Variants in RSRC1 observed in about 807,000 individuals in gnomAD.
RSRC1 encodes the protein serine/Arginine-related protein 53.
In RSRC1, 39 loss-of-function variants were observed where a neutral mutation model predicts 49.1. The observed-to-expected ratio is 0.79, with a 90% CI of 0.61 to 1.04. RSRC1 has a LOEUF of 1.04. RSRC1 is among the 50% of genes least tolerant of loss of function. RSRC1 has a pLI of 0.00. For missense variants in RSRC1, 388 were observed against 402.4 expected, an observed-to-expected ratio of 0.96 and a Z score of 0.31; for synonymous variants, 143 against 130.8, an observed-to-expected ratio of 1.09 and a Z score of -0.63.
At chr3:158,518,126 G>GCA (rs1553820460) in intron 7 of RSRC1, among the ~76,000 whole-genome samples, 17,249 of 68,902 alleles carry the variant, frequency 0.25, 3,058 homozygotes, top group Middle Eastern at 0.37. Flanking sequence ...GTGTGTGTGT[G>GCA]TATATATATA....
At chr3:158,259,182 G>C (rs1033688703) in intron 4 of RSRC1, among the ~76,000 whole-genome samples, 3 of 152,156 alleles carry the variant, frequency 2.0e-5, no homozygotes, top group African/African-American at 4.8e-5. Flanking sequence ...AGCCTTCACA[G>C]TCTGGACTTG....
At chr3:158,405,313 C>T (rs1209195366) in intron 6 of RSRC1, among the ~76,000 whole-genome samples, 5 of 152,032 alleles carry the variant, frequency 3.3e-5, no homozygotes, top group Non-Finnish European at 5.9e-5. Context: ...TAAACTATAT[C>T]TACATACAGT....
chr3:158,289,413 CA>C (rs1476941067), intron 4 of RSRC1, among the ~76,000 whole-genome samples: 1 of 152,170 alleles, frequency 6.6e-6, no homozygotes, highest in East Asian at 1.9e-4. Flanking sequence ...CTTGTCCTGA[CA>C]TAGTGGATGC....
At chr3:158,503,733 C>T (rs1342486190) in intron 7 of RSRC1, among the ~76,000 whole-genome samples, 1 of 143,312 alleles carries the variant, frequency 7.0e-6, no homozygotes, top group Non-Finnish European at 1.5e-5. Context: ...TGACTCCCAC[C>T]GTGCCCCCCC....
At chr3:158,372,752 G>T (rs577474823) in intron 6 of RSRC1, among the ~76,000 whole-genome samples, 4 of 151,974 alleles carry the variant, frequency 2.6e-5, no homozygotes, top group Admixed American at 1.3e-4. Context: ...CTGGAATTTT[G>T]ATTAGAGTTG....
At chr3:158,501,273 G>A (rs1053686745) in intron 7 of RSRC1, among the ~76,000 whole-genome samples, 16 of 152,032 alleles carry the variant, frequency 1.1e-4, no homozygotes, top group African/African-American at 2.9e-4. Context: ...TCATTTTATG[G>A]CCTATCTTAT....
chr3:158,131,142 TTATA>T (rs967113332), intron 3 of RSRC1, among the ~76,000 whole-genome samples: 13 of 151,524 alleles, frequency 8.6e-5, no homozygotes, highest in African/African-American at 3.1e-4. Flanking sequence ...AATTTTTTGT[TTATA>T]TATATATTTT....
rs200229488 is a variant in RSRC1, at chr3:158,120,560, ATAT to A, written c.-2-1540_-2-1538del. 8.9e-3 allele frequency among the ~76,000 whole-genome samples: 1,304 copies of A among 147,256 alleles called. 17 individuals carry two copies. Among genetic ancestry groups the A allele is most frequent in the African/African-American group, 0.031 (1,248 of 40,664 alleles). On this transcript the variant is annotated intron_variant, in intron 1 of 9. Transcript: ENST00000611884. The stretch of plus-strand genomic sequence containing the variant: ...TAAATAATATAGAATTAATATATTA[ATAT>A]TAATATATTAAATATACAGTTAATA...
intron 6 of RSRC1, among the ~76,000 whole-genome samples, chr3:158,369,999 A>G (rs1442990326): frequency 6.6e-6 from 1 of 151,952 alleles, no homozygotes; most frequent in East Asian, 1.9e-4. Flanking sequence ...TACATGGTGA[A>G]TTTGTTGAAT....
At chr3:158,159,427 T>C (rs4261833) in intron 3 of RSRC1, among the ~76,000 whole-genome samples, 95,876 of 152,074 alleles carry the variant, frequency 0.63, 30,853 homozygotes, top group African/African-American at 0.73. Flanking sequence ...TAGCCCTTTA[T>C]ACTTTACAAA....
chr3:158,339,506 G>A (rs905306762), intron 5 of RSRC1, among the ~76,000 whole-genome samples: 46 of 152,020 alleles, frequency 3.0e-4, no homozygotes, highest in Admixed American at 2.6e-4. Flanking sequence ...TGTAGATTAC[G>A]TGGTTTATTA....
chr3:158,511,899 C>T (rs1001736305), intron 7 of RSRC1, among the ~76,000 whole-genome samples: 19 of 152,126 alleles, frequency 1.2e-4, no homozygotes, highest in African/African-American at 4.1e-4. Context: ...TTTCATGTGT[C>T]TTTTGGCTGC....
intron 4 of RSRC1, among the ~76,000 whole-genome samples, chr3:158,243,950 G>GTT (rs57801130): frequency 6.8e-4 from 92 of 134,518 alleles, no homozygotes; most frequent in East Asian, 2.4e-3. Flanking sequence ...TGAGACTATG[G>GTT]TTTTTTTTTT....
chr3:158,195,621 A>T (rs530548853), intron 3 of RSRC1, among the ~76,000 whole-genome samples: 14 of 152,066 alleles, frequency 9.2e-5, no homozygotes, highest in Non-Finnish European at 1.9e-4. Context: ...TAGGGTTTTT[A>T]TGGTTTTAGG....
chr3:158,274,821 A>G (rs1381997397), intron 4 of RSRC1, among the ~76,000 whole-genome samples: 1 of 152,208 alleles, frequency 6.6e-6, no homozygotes, highest in African/African-American at 2.4e-5. Context: ...AACAAGAGAA[A>G]TAACTGCAGA....
intron 7 of RSRC1, among the ~76,000 whole-genome samples, chr3:158,491,057 G>T (rs1253906217): frequency 2.0e-5 from 3 of 152,178 alleles, no homozygotes; most frequent in East Asian, 3.9e-4. Context: ...TAAAACTTTT[G>T]CTTTTCAATA....
chr3:158,280,256 T>A (rs1726066883), intron 4 of RSRC1, among the ~76,000 whole-genome samples: 1 of 152,124 alleles, frequency 6.6e-6, no homozygotes. Context: ...AGCATGACAG[T>A]GGAATAAAAT....
intron 6 of RSRC1, among the ~76,000 whole-genome samples, chr3:158,380,575 C>G (rs1029166489): frequency 1.3e-5 from 2 of 152,186 alleles, no homozygotes; most frequent in African/African-American, 4.8e-5. Context: ...TTTTATTAAT[C>G]TCTAGTTTGC....
intron 4 of RSRC1, among the ~76,000 whole-genome samples, chr3:158,242,951 C>A (rs561750249): frequency 1.3e-5 from 2 of 151,782 alleles, no homozygotes; most frequent in South Asian, 2.1e-4. Context: ...GGATATTAGA[C>A]CCTTGTCAGA....
Sources: allele counts gnomAD v4.1 joint callset (sites outside exome capture counted in the v4.1 genomes callset), GRCh38; gene constraint gnomAD v4.1.1; transcripts MANE v1.5; gene names NCBI Gene and HGNC (gene_info 2026-07-23, HGNC 2026-07-21).